PHF14: variants seen among roughly 807,000 people sequenced by gnomAD.
PHF14 encodes PHD finger protein 14.
PHF14 carries 55 observed loss-of-function variants against 117.9 expected under a neutral mutation model. The ratio of observed to expected loss-of-function variants is 0.47; its 90% CI spans 0.38 to 0.58. The LOEUF (loss-of-function observed/expected upper bound fraction) is 0.58. Among genes scored for constraint, PHF14 ranks in the 20% least tolerant of loss-of-function variants. PHF14 has a pLI of 0.00. For missense variants in PHF14, 978 were observed against 1,122.2 expected (o/e 0.87, Z 1.84); for synonymous variants, 409 against 368.6 (o/e 1.11, Z -1.26).
At chr7:11,036,793 A>G (rs1479687565) in intron 9 of PHF14, 105 bp downstream of exon 9, 2 of 1,075,138 alleles carry the variant, frequency 1.9e-6, no homozygotes, top group South Asian at 1.6e-5. Context: ...CATGCTGCAT[A>G]TATCATAGAG....
At chr7:11,129,231 C>T (rs1788020297) in intron 17 of PHF14, among the ~76,000 whole-genome samples, 1 of 151,884 alleles carries the variant, frequency 6.6e-6, no homozygotes, top group Admixed American at 6.6e-5. Context: ...CCTTAGAGGC[C>T]CAAGGCTGTT....
chr7:11,059,747 T>C (rs994754584), intron 14 of PHF14, among the ~76,000 whole-genome samples: 1 of 152,074 alleles, frequency 6.6e-6, no homozygotes, highest in Admixed American at 6.6e-5. Flanking sequence ...TGCACTCCAG[T>C]CTGAGCAACA....
chr7:11,077,557 C>T lies in PHF14; in HGVS notation c.2654+15472C>T, dbSNP rs566447647. On this transcript the variant is annotated intron_variant, in intron 16 of 17. Transcript: ENST00000634607. ...CAAAGGTTGTAGTGAGCCCAGATCGCGCCACTGCACTCCGGCCTGGCAACA... is the reference window on the plus strand; with the variant it reads ...CAAAGGTTGTAGTGAGCCCAGATCGTGCCACTGCACTCCGGCCTGGCAACA... Among the ~76,000 whole-genome samples the T allele has an allele frequency of 1.2e-4, 18 of 145,686 alleles. 1 individual carries two copies. The highest frequency in any genetic ancestry group is 4.1e-4 in the East Asian group (2 of 4,854).
At chr7:11,080,616 C>T (rs1562455723) in intron 16 of PHF14, among the ~76,000 whole-genome samples, 3 of 152,130 alleles carry the variant, frequency 2.0e-5, no homozygotes, top group Non-Finnish European at 4.4e-5. Flanking sequence ...GAAGGGTTTA[C>T]ATTTAGTCAG....
intron 7 of PHF14, among the ~76,000 whole-genome samples, chr7:11,033,520 C>G (rs1258640880): frequency 2.0e-5 from 3 of 152,194 alleles, no homozygotes; most frequent in African/African-American, 7.2e-5. Context: ...ATGGCCACAT[C>G]TAGCTGTGGG....
At chr7:11,027,349 G>GT (rs1206009194) in intron 6 of PHF14, among the ~76,000 whole-genome samples, 1 of 152,100 alleles carries the variant, frequency 6.6e-6, no homozygotes, top group Non-Finnish European at 1.5e-5. Flanking sequence ...GACTATTGAA[G>GT]TTTTTAAGTT....
chr7:11,087,434 C>G (rs1425394142), intron 16 of PHF14, among the ~76,000 whole-genome samples: 1 of 152,168 alleles, frequency 6.6e-6, no homozygotes, highest in Non-Finnish European at 1.5e-5. Flanking sequence ...TTGTGATCCA[C>G]CTGCCTCGGC....
At chr7:11,036,930 C>A in intron 9 of PHF14, 55 bp from the exon 10 acceptor site, 1 of 1,191,182 alleles carries the variant, frequency 8.4e-7, no homozygotes, top group South Asian at 1.4e-5. Context: ...CTAGTTTCTT[C>A]CTATGTCAGT....
chr7:10,988,534 G>GTTT (rs34658159), intron 3 of PHF14, among the ~76,000 whole-genome samples: 52,902 of 117,734 alleles, frequency 0.45, 11,907 homozygotes, highest in Non-Finnish European at 0.49. Flanking sequence ...TTTCTAGTCT[G>GTTT]TTTTTTTTTT....
chr7:11,148,641 C>T (rs980632655), intron 17 of PHF14, among the ~76,000 whole-genome samples: 5 of 152,154 alleles, frequency 3.3e-5, no homozygotes, highest in South Asian at 2.1e-4. Context: ...GCCATGAGGA[C>T]GATACGCTGT....
At chr7:11,062,229 T>A in intron 16 of PHF14, 144 bp downstream of exon 16, 2 of 587,384 alleles carry the variant, frequency 3.4e-6, no homozygotes, top group South Asian at 3.3e-5. Context: ...GAAACAGATT[T>A]CATCCACTTC....
chr7:11,010,046 T>C (rs1783288595), intron 4 of PHF14, among the ~76,000 whole-genome samples: 1 of 152,224 alleles, frequency 6.6e-6, no homozygotes, highest in Non-Finnish European at 1.5e-5. Context: ...ATAAATTGGA[T>C]AGCTCCTTAA....
chr7:11,024,543 A>G (rs1416378728), intron 6 of PHF14, among the ~76,000 whole-genome samples: 2 of 152,154 alleles, frequency 1.3e-5, no homozygotes, highest in African/African-American at 2.4e-5. Flanking sequence ...GCGGCTGGTG[A>G]CTTTAAGTTG....
chr7:11,037,220 C>G (rs1198995746), intron 10 of PHF14, 129 bp downstream of exon 10: 2 of 683,854 alleles, frequency 2.9e-6, no homozygotes, highest in Non-Finnish European at 4.7e-6. Context: ...TTCCCTATAA[C>G]TCCTACTCCT....
intron 17 of PHF14, among the ~76,000 whole-genome samples, chr7:11,140,465 A>G (rs17149839): frequency 0.018 from 2,797 of 152,230 alleles, 38 homozygotes; most frequent in Middle Eastern, 0.044. Flanking sequence ...GAATGCAGTT[A>G]TAGAAGCAAA....
At chr7:11,014,395 C>T (rs1452607232) in intron 5 of PHF14, among the ~76,000 whole-genome samples, 2 of 152,056 alleles carry the variant, frequency 1.3e-5, no homozygotes, top group Non-Finnish European at 1.5e-5. Context: ...ATGCTCTGGG[C>T]CTGAGGGAGA....
chr7:11,091,009 G>C (rs922419561), intron 16 of PHF14, among the ~76,000 whole-genome samples: 1 of 152,166 alleles, frequency 6.6e-6, no homozygotes, highest in African/African-American at 2.4e-5. Flanking sequence ...TTGGGGCCTT[G>C]AGTGCAAGCT....
intron 16 of PHF14, among the ~76,000 whole-genome samples, chr7:11,087,517 T>C (rs1786462349): frequency 6.6e-6 from 1 of 152,106 alleles, no homozygotes; most frequent in Non-Finnish European, 1.5e-5. Flanking sequence ...TTGACCTGGT[T>C]TTTTTGTTGT....
chr7:10,990,274 T>C (rs1782403460), intron 3 of PHF14, among the ~76,000 whole-genome samples: 1 of 152,226 alleles, frequency 6.6e-6, no homozygotes, highest in Non-Finnish European at 1.5e-5. Flanking sequence ...CTAGGTAGGA[T>C]TATAAGCTCC....
Sources: allele counts gnomAD v4.1 joint callset (sites outside exome capture counted in the v4.1 genomes callset), GRCh38; gene constraint gnomAD v4.1.1; transcripts MANE v1.5; gene names NCBI Gene and HGNC (gene_info 2026-07-23, HGNC 2026-07-21).